Variants in PJA2 observed in about 807,000 individuals in gnomAD.
The protein encoded by PJA2 is E3 ubiquitin-protein ligase Praja-2.
In PJA2, 25 loss-of-function variants were observed where a neutral mutation model predicts 69.3. The observed-to-expected ratio is 0.36, with a 90% CI of 0.26 to 0.50. The LOEUF (loss-of-function observed/expected upper bound fraction) is 0.50, where lower values mean the gene tolerates loss of function less well. PJA2 is among the 20% of genes least tolerant of loss of function. PJA2 has a pLI of 0.96. For missense variants in PJA2, 809 were observed against 830.2 expected, an observed-to-expected ratio of 0.97 and a Z score of 0.31; for synonymous variants, 308 against 277.8, an observed-to-expected ratio of 1.11 and a Z score of -1.08.
chr5:109,342,073 C>A, intron 9 of PJA2, among the ~76,000 whole-genome samples: 1 of 133,782 alleles, frequency 7.5e-6, no homozygotes, highest in Non-Finnish European at 1.7e-5. Flanking sequence ...CTCCGCCCGG[C>A]CAGCCGCCCC....
At chr5:109,347,576 T>C (rs186745823) in intron 7 of PJA2, among the ~76,000 whole-genome samples, 1 of 152,348 alleles carries the variant, frequency 6.6e-6, no homozygotes, top group African/African-American at 2.4e-5. Context: ...AGGGGCTTGG[T>C]CACATCACTG....
At chr5:109,362,584 TA>T (rs965514645) in intron 6 of PJA2, among the ~76,000 whole-genome samples, 2 of 151,612 alleles carry the variant, frequency 1.3e-5, no homozygotes, top group African/African-American at 4.8e-5. Flanking sequence ...AATCCAAAAC[TA>T]AAAAAAAGTA....
intron 1 of PJA2, among the ~76,000 whole-genome samples, chr5:109,400,320 G>C (rs553629076): frequency 1.2e-3 from 177 of 150,318 alleles, no homozygotes; most frequent in Admixed American, 2.6e-3. Context: ...TAAGTCAAAA[G>C]AAATGATCCA....
intron 1 of PJA2, among the ~76,000 whole-genome samples, chr5:109,386,760 G>A (rs1747168265): frequency 1.3e-5 from 2 of 152,008 alleles, no homozygotes; most frequent in Middle Eastern, 3.4e-3. Context: ...TCATACTTTA[G>A]TACAGTTCAA....
intron 6 of PJA2, among the ~76,000 whole-genome samples, chr5:109,359,668 T>C (rs1212517490): frequency 1.3e-5 from 2 of 152,118 alleles, no homozygotes; most frequent in Admixed American, 6.5e-5. Context: ...AAACAAAGAC[T>C]GAGGAAACGT....
intron 1 of PJA2, among the ~76,000 whole-genome samples, chr5:109,394,350 A>G (rs1231514768): frequency 1.3e-5 from 2 of 152,076 alleles, no homozygotes; most frequent in Non-Finnish European, 2.9e-5. Flanking sequence ...GCCCAGCCAC[A>G]TGCTAGTTCT....
Position 109,337,368 on chromosome 5 carries a change from A to C in PJA2, c.2002-12T>G. On this transcript the variant is annotated splice_polypyrimidine_tract_variant and intron_variant, in intron 9 of 9. Coordinates refer to ENST00000361189, the MANE Select transcript of PJA2 (RefSeq NM_014819.5). Reference sequence around the variant, plus strand: ...GGGCATGTTCCCGACTGGAGAAAAAAAAAATGTTAAGAGCCACCAGAATCA... The same window carrying C: ...GGGCATGTTCCCGACTGGAGAAAAACAAAATGTTAAGAGCCACCAGAATCA... 6.3e-7 allele frequency: 1 copy of C among 1,579,822 alleles called. No homozygotes were observed. The highest frequency in any genetic ancestry group is 8.6e-7 in the Non-Finnish European group (1 of 1,166,274).
intron 1 of PJA2, among the ~76,000 whole-genome samples, chr5:109,400,657 G>C (rs1747522227): frequency 2.0e-5 from 3 of 152,058 alleles, no homozygotes; most frequent in African/African-American, 7.2e-5. Context: ...CATATCCCAA[G>C]ATGTTAACAT....
At chr5:109,342,216 C>A (rs1327999538) in intron 9 of PJA2, among the ~76,000 whole-genome samples, 175 of 67,974 alleles carry the variant, frequency 2.6e-3, no homozygotes, top group African/African-American at 0.012. Context: ...TCAGCCCCCC[C>A]GCCCGGCCAG....
At chr5:109,389,897 GC>G (rs1319360084) in intron 1 of PJA2, among the ~76,000 whole-genome samples, 1 of 148,944 alleles carries the variant, frequency 6.7e-6, no homozygotes, top group Non-Finnish European at 1.5e-5. Context: ...CCAAATATTT[GC>G]AGTCTATTTT....
At chr5:109,373,360 TGA>T (rs1301376768) in intron 4 of PJA2, among the ~76,000 whole-genome samples, 1 of 152,124 alleles carries the variant, frequency 6.6e-6, no homozygotes, top group Non-Finnish European at 1.5e-5. Context: ...AGGCACAGAA[TGA>T]GAGGGGCTAC....
At chr5:109,371,877 C>T (rs1762679930) in intron 4 of PJA2, among the ~76,000 whole-genome samples, 2 of 152,292 alleles carry the variant, frequency 1.3e-5, no homozygotes, top group South Asian at 2.1e-4. Context: ...GCTATGAAAA[C>T]CTCTCTATGC....
At chr5:109,360,727 T>G (rs886174513) in intron 6 of PJA2, among the ~76,000 whole-genome samples, 1 of 152,216 alleles carries the variant, frequency 6.6e-6, no homozygotes, top group Admixed American at 6.5e-5. Context: ...CTCTGGACAT[T>G]TCGGGACCAC....
At chr5:109,379,284 T>A in intron 3 of PJA2, 30 bp from the exon 4 acceptor site, 1 of 1,472,546 alleles carries the variant, frequency 6.8e-7, no homozygotes, top group South Asian at 1.3e-5. Context: ...AAACATATTT[T>A]AAAGGATTAA....
rs570247771 is a variant in PJA2, at chr5:109,405,532, A to G, written c.-88+4310T>C. Among the ~76,000 whole-genome samples, 9 of 152,352 alleles carry G rather than the reference A, an allele frequency of 5.9e-5. No individual in the cohort carries two copies. The South Asian group carries it at 1.7e-3, about 28-fold the overall frequency. ...ATACTTATAAGTAAAAATAACCATG[A>G]TAACTCAGTACTGGCAAAATTATAG... is the stretch of plus-strand genomic sequence containing the variant. On this transcript the variant is annotated intron_variant, in intron 1 of 9. Coordinates refer to ENST00000361189, the MANE Select transcript of PJA2 (RefSeq NM_014819.5).
intron 1 of PJA2, among the ~76,000 whole-genome samples, chr5:109,392,204 TATG>T (rs769537785): frequency 1.8e-4 from 27 of 152,114 alleles, no homozygotes; most frequent in Non-Finnish European, 3.1e-4. Flanking sequence ...CTTAAAAACT[TATG>T]ATAATAAGAG....
rs182329885 is a variant in PJA2 at position 109,360,589 on chromosome 5, C to T, written c.1652+2251G>A. Among the ~76,000 whole-genome samples, 1,013 of 152,230 alleles carry T rather than the reference C, an allele frequency of 6.7e-3. 5 individuals are homozygous for T. Among genetic ancestry groups the T allele is most frequent in the Non-Finnish European group, 0.011 (774 of 68,004 alleles). Reference sequence around the variant, plus strand: ...TTTTCACCTTATCAACCTTTAGACGCTGCCACATAAATTAATATAGTACCA... The same window carrying T: ...TTTTCACCTTATCAACCTTTAGACGTTGCCACATAAATTAATATAGTACCA... On this transcript the variant is annotated intron_variant, in intron 6 of 9. Transcript: ENST00000361189.
chr5:109,408,980 A>G (rs1747757259), intron 1 of PJA2: 2 of 152,226 alleles, frequency 1.3e-5, no homozygotes, highest in Non-Finnish European at 2.9e-5. Context: ...CAGACTCAAA[A>G]GAAGCGCCTA....
intron 7 of PJA2, among the ~76,000 whole-genome samples, chr5:109,354,978 C>T (rs1762388713): frequency 6.6e-6 from 1 of 151,764 alleles, no homozygotes; most frequent in Non-Finnish European, 1.5e-5. Context: ...AAACCAAAAC[C>T]AGGTCTGATG....
Sources: allele counts gnomAD v4.1 joint callset (sites outside exome capture counted in the v4.1 genomes callset), GRCh38; gene constraint gnomAD v4.1.1; transcripts MANE v1.5; gene names NCBI Gene and HGNC (gene_info 2026-07-23, HGNC 2026-07-21).